Variants in PDE10A observed in about 807,000 individuals in gnomAD.
PDE10A encodes the protein phosphodiesterase 10A, also known as cAMP and cAMP-inhibited cGMP 3',5'-cyclic phosphodiesterase 10A.
PDE10A carries 39 observed loss-of-function variants against 97.7 expected under a neutral mutation model. The ratio of observed to expected loss-of-function variants is 0.40; its 90% CI spans 0.31 to 0.52. PDE10A has a LOEUF of 0.52. PDE10A is among the 20% of genes least tolerant of loss of function. The probability of loss-of-function intolerance (pLI) is 0.56; values close to 1 mark genes in which losing one functional copy is unlikely to be tolerated. For missense variants in PDE10A, 731 were observed against 1,047.8 expected (o/e 0.70, Z 4.17); for synonymous variants, 371 against 376.8 (o/e 0.98, Z 0.18).
rs182399006 is a variant in PDE10A at position 165,924,462 on chromosome 6, G to A, written c.-615+63067C>T. Among the ~76,000 whole-genome samples the A allele has an allele frequency of 1.7e-3, 258 of 151,014 alleles. 1 individual carries two copies. Among genetic ancestry groups the A allele is most frequent in the Admixed American group, 4.0e-3 (60 of 15,182 alleles). On this transcript the variant is annotated intron_variant, in intron 1 of 19. Coordinates refer to the PDE10A transcript ENST00000366882. Reference sequence around the variant, plus strand: ...CTGTGGTACAATTCATGGTGTCCATGTGGATAGAAGATCTCTCTCTGTGTG... The same window carrying A: ...CTGTGGTACAATTCATGGTGTCCATATGGATAGAAGATCTCTCTCTGTGTG...
chr6:165,480,417 A>G (rs1779537016), intron 3 of PDE10A, among the ~76,000 whole-genome samples: 1 of 151,882 alleles, frequency 6.6e-6, no homozygotes, highest in Non-Finnish European at 1.5e-5. Context: ...GAAAAATCCC[A>G]TCTCTATTTA....
chr6:165,542,828 T>C (rs556964144), intron 2 of PDE10A, among the ~76,000 whole-genome samples: 198 of 151,810 alleles, frequency 1.3e-3, no homozygotes, highest in Non-Finnish European at 2.3e-3. Context: ...CTGTGTTAGC[T>C]AGGATGGTCT....
chr6:165,704,330 G>A (rs1791654632), intron 1 of PDE10A, among the ~76,000 whole-genome samples: 1 of 152,184 alleles, frequency 6.6e-6, no homozygotes, highest in African/African-American at 2.4e-5. Flanking sequence ...GGACACCCAT[G>A]CAAATTACAA....
At position 165,828,439 on chromosome 6, in the gene PDE10A, GC is replaced by G. The variant is rs142113849; in HGVS notation, c.-615+159089del. ...AAGTAAGTTTAAACAAAAGTGAAAT[GC>G]AGGTAATGACATAGACATACACATA... On this transcript the variant is annotated intron_variant, in intron 1 of 19. Coordinates refer to the PDE10A transcript ENST00000366882. 1.1e-3 allele frequency among the ~76,000 whole-genome samples: 167 copies of G among 152,346 alleles called. 3 individuals are homozygous for G. In the East Asian group the frequency reaches 0.03, roughly 27 times the overall value.
rs931562458 is a variant in PDE10A at position 165,560,890 on chromosome 6, C to T, written c.866-17322G>A. ...TAGCACCATCCTCCTGGTGCTGTCT[C>T]GTGATAGAGTTCTCATGAGATCTGG... On this transcript the variant is annotated intron_variant, in intron 1 of 21. Transcript: ENST00000539869. 3.3e-5 allele frequency among the ~76,000 whole-genome samples: 5 copies of T among 152,090 alleles called. 1 individual carries two copies. In the South Asian group the frequency reaches 6.2e-4, roughly 19 times the overall value.
chr6:165,978,811 G>A (rs902360988), intron 1 of PDE10A, among the ~76,000 whole-genome samples: 1 of 152,058 alleles, frequency 6.6e-6, no homozygotes, highest in Non-Finnish European at 1.5e-5. Flanking sequence ...TTGAATTGTG[G>A]TCATGTACAG....
chr6:165,903,138 G>A (rs1033193664), intron 1 of PDE10A, among the ~76,000 whole-genome samples: 4 of 152,170 alleles, frequency 2.6e-5, no homozygotes, highest in Non-Finnish European at 4.4e-5. Flanking sequence ...GAGAGTAATA[G>A]GATGTTTGTA....
chr6:165,476,437 A>G (rs925916045), intron 3 of PDE10A, among the ~76,000 whole-genome samples: 4 of 152,208 alleles, frequency 2.6e-5, no homozygotes, highest in Non-Finnish European at 5.9e-5. Flanking sequence ...AACAAGAAAC[A>G]GTAGAGAAGT....
At chr6:165,667,309 A>G (rs1296468301), upstream of PDE10A, among the ~76,000 whole-genome samples, 1 of 152,198 alleles carries the variant, frequency 6.6e-6, no homozygotes, top group African/African-American at 2.4e-5. Context: ...TTACCCAAGC[A>G]GTATACCCTG....
At chr6:165,656,621 G>C (rs2322948) in intron 1 of PDE10A, among the ~76,000 whole-genome samples, 6 of 151,822 alleles carry the variant, frequency 4.0e-5, no homozygotes, top group Non-Finnish European at 7.4e-5. Context: ...CCTCTCTCCT[G>C]TCTTATCACC....
rs1790227296 is a variant in PDE10A, at chr6:165,661,008, GCCT to G, written c.865+936_865+938del. 1 of 152,992 alleles carries G rather than the reference GCCT, an allele frequency of 6.5e-6. No individual in the cohort carries two copies. Among genetic ancestry groups the G allele is most frequent in the Non-Finnish European group, 1.5e-5 (1 of 68,696 alleles). 9.5% of individuals were successfully genotyped at this position (152,992 alleles called of 1,614,324 possible). ...CGCCCCCCTCCTCTGCGCACCGGGC[GCCT>G]CCTCTTTCCTCACTGTCTCCCGCCT... On this transcript the variant is annotated intron_variant, in intron 1 of 21. Transcript: ENST00000539869. This position sits in a 1 kb window ranked among gnomAD's most constrained non-coding sequence, Gnocchi z 4.8.
rs572097844 is a variant in PDE10A at position 165,784,346 on chromosome 6, G to T, written c.-615+203183C>A. 7.2e-5 allele frequency among the ~76,000 whole-genome samples: 11 copies of T among 152,246 alleles called. No homozygotes were observed. The South Asian group carries it at 2.1e-3, about 29-fold the overall frequency. On this transcript the variant is annotated intron_variant, in intron 1 of 19. Transcript: ENST00000366882. ...CATCGCCTCCCATGAGCACCTCCTT[G>T]GTATTTACCTGGTCCTTTCCACGTT...
chr6:165,524,594 G>C, intron 2 of PDE10A, among the ~76,000 whole-genome samples: 1 of 152,130 alleles, frequency 6.6e-6, no homozygotes, highest in East Asian at 1.9e-4. Context: ...TGAAAAAAAT[G>C]ATGAACCCAG....
intron 13 of PDE10A, among the ~76,000 whole-genome samples, chr6:165,404,057 T>C (rs1385193845): frequency 6.6e-6 from 1 of 152,200 alleles, no homozygotes; most frequent in African/African-American, 2.4e-5. Flanking sequence ...TCAAAATAGC[T>C]AGAAGATTCA....
intron 7 of PDE10A, 92 bp from the exon 8 acceptor site, chr6:165,431,564 TACATAAC>T: frequency 2.6e-6 from 1 of 381,946 alleles, no homozygotes. Context: ...ATATGTATAA[TACATAAC>T]ATATATATAC....
At chr6:165,769,146 T>A (rs1250077249) in intron 1 of PDE10A, among the ~76,000 whole-genome samples, 1 of 152,196 alleles carries the variant, frequency 6.6e-6, no homozygotes. Context: ...CCTGTGGGGA[T>A]GGAATGTTCT....
intron 1 of PDE10A, among the ~76,000 whole-genome samples, chr6:165,584,765 C>A (rs558731915): frequency 6.6e-6 from 1 of 152,284 alleles, no homozygotes; most frequent in African/African-American, 2.4e-5. Flanking sequence ...GGAAAACCAA[C>A]AACCCCTTTC....
chr6:165,696,825 A>G (rs1370593097), intron 1 of PDE10A, among the ~76,000 whole-genome samples: 2 of 152,222 alleles, frequency 1.3e-5, no homozygotes, highest in African/African-American at 4.8e-5. Flanking sequence ...TCAAGTAGAG[A>G]ATATCAATAA....
At chr6:165,391,813 A>C (rs900255940) in intron 16 of PDE10A, among the ~76,000 whole-genome samples, 8 of 152,214 alleles carry the variant, frequency 5.3e-5, no homozygotes, top group African/African-American at 1.7e-4. Flanking sequence ...ATGGACCTTC[A>C]CAAGTACTAG....
Sources: allele counts gnomAD v4.1 joint callset (sites outside exome capture counted in the v4.1 genomes callset), GRCh38; gene constraint gnomAD v4.1.1; non-coding constraint Gnocchi (gnomAD v3.1); transcripts MANE v1.5; gene names NCBI Gene and HGNC (gene_info 2026-07-23, HGNC 2026-07-21).